ITSN2: variants seen among roughly 807,000 people sequenced by gnomAD.
ITSN2 encodes intersectin-2.
ITSN2 carries 156 observed loss-of-function variants against 243.7 expected under a neutral mutation model. The ratio of observed to expected loss-of-function variants is 0.64; its 90% CI spans 0.56 to 0.73. The LOEUF is 0.73. Among genes scored for constraint, ITSN2 ranks in the 30% least tolerant of loss-of-function variants. The probability of loss-of-function intolerance (pLI) is 0.00; values close to 1 mark genes in which losing one functional copy is unlikely to be tolerated. For missense variants in ITSN2, 1,801 were observed against 1,996.1 expected (o/e 0.90, Z 1.86); for synonymous variants, 703 against 699.9 (o/e 1.00, Z -0.07).
At chr2:24,312,868 G>C (rs1683423839) in intron 4 of ITSN2, among the ~76,000 whole-genome samples, 1 of 152,004 alleles carries the variant, frequency 6.6e-6, no homozygotes, top group African/African-American at 2.4e-5. Context: ...CTAATTTGGG[G>C]TTTATAGATT....
At chr2:24,220,827 A>G in intron 30 of ITSN2, 118 bp downstream of exon 30, 1 of 1,448,266 alleles carries the variant, frequency 6.9e-7, no homozygotes, top group South Asian at 1.6e-5. Context: ...GTGAATTCAC[A>G]CATCAAAAGT....
At chr2:24,203,862 T>C (rs1447574646) in intron 39 of ITSN2, 79 bp from the exon 40 acceptor site, 3 of 1,432,706 alleles carry the variant, frequency 2.1e-6, no homozygotes, top group Non-Finnish European at 2.9e-6. Context: ...AAGAAGTGGA[T>C]TCATAAAACC....
intron 31 of ITSN2, among the ~76,000 whole-genome samples, chr2:24,217,248 CAA>C (rs34890758): frequency 4.8e-4 from 71 of 146,822 alleles, no homozygotes; most frequent in Admixed American, 8.8e-4. Context: ...GACTCCATCT[CAA>C]AAAAAAAAAA....
In ITSN2 at chr2:24,328,467, C is replaced by CTT. The variant is rs956515489; in HGVS notation, c.-33-354_-33-353dup. Among the ~76,000 whole-genome samples, 4 of 144,554 alleles carry CTT rather than the reference C, an allele frequency of 2.8e-5. No individual in the cohort carries two copies. The East Asian group carries it at 8.0e-4, about 29-fold the overall frequency. 94.8% of individuals were successfully genotyped at this position (144,554 alleles called of 152,430 possible). Reference sequence around the variant, plus strand: ...TATAAGAATAACATGGAAATCCATACTTTTTTTTTTTTTTAAATAGAGTCT... The same window carrying CTT: ...TATAAGAATAACATGGAAATCCATACTTTTTTTTTTTTTTTTAAATAGAGTCT... On this transcript the variant is annotated intron_variant, in intron 1 of 39. Coordinates refer to ENST00000355123, the MANE Select transcript of ITSN2 (RefSeq NM_006277.3).
chr2:24,261,901 T>C (rs1675937130), intron 20 of ITSN2, among the ~76,000 whole-genome samples, 159 bp from the exon 21 acceptor site: 1 of 152,232 alleles, frequency 6.6e-6, no homozygotes, highest in African/African-American at 2.4e-5. Context: ...CTATTTCCAG[T>C]GACTGGCAAG....
At chr2:24,322,746 C>T (rs566792653) in intron 2 of ITSN2, among the ~76,000 whole-genome samples, 178 of 152,126 alleles carry the variant, frequency 1.2e-3, no homozygotes, top group African/African-American at 4.1e-3. Context: ...TCTAAAATTT[C>T]CACTCTCTTA....
At position 24,301,245 on chromosome 2, in the gene ITSN2, A is replaced by T; in HGVS notation, c.996-6T>A. 1 of 1,575,354 alleles carries T rather than the reference A, an allele frequency of 6.3e-7. No homozygotes were observed. Among genetic ancestry groups the T allele is most frequent in the Non-Finnish European group, 8.7e-7 (1 of 1,147,880 alleles). Reference sequence around the variant, plus strand: ...AATCAATTTGCTTTCCTCCTCTAAAAAAATCAAACAACAAAGTTAGCATCA... The same window carrying T: ...AATCAATTTGCTTTCCTCCTCTAAATAAATCAAACAACAAAGTTAGCATCA... On this transcript the variant is annotated splice_polypyrimidine_tract_variant and splice_region_variant and intron_variant, in intron 10 of 39. Coordinates refer to ENST00000355123, the MANE Select transcript of ITSN2 (RefSeq NM_006277.3).
At chr2:24,257,459 TTTTC>T (rs528248023) in intron 23 of ITSN2, among the ~76,000 whole-genome samples, 297 of 152,100 alleles carry the variant, frequency 2.0e-3, no homozygotes, top group African/African-American at 6.8e-3. Context: ...TACCTTTCTT[TTTTC>T]TTTTTTTTTT....
chr2:24,320,717 AAAC>A (rs1190292757), intron 2 of ITSN2, among the ~76,000 whole-genome samples: 5 of 131,938 alleles, frequency 3.8e-5, no homozygotes, highest in African/African-American at 1.2e-4. Context: ...AACAAAAAAC[AAAC>A]AACAACAACA....
At chr2:24,337,751 G>A (rs560085309) in intron 1 of ITSN2, among the ~76,000 whole-genome samples, 7 of 147,912 alleles carry the variant, frequency 4.7e-5, no homozygotes, top group South Asian at 2.2e-4. Context: ...TCAGCCTCTC[G>A]AATAGCTAGG....
chr2:24,301,966 T>C lies in ITSN2; in HGVS notation c.994A>G (p.Arg332Gly). ...LPPELVPPSFRGGKQIDSING... is the reference protein window; with the variant it reads ...LPPELVPPSFGGGKQIDSING... Reference sequence around the variant, plus strand: ...TTCTCCACCTCCAGGCACACTCACCTGAAAGATGGAGGAACAAGCTCAGGA... The same window carrying C: ...TTCTCCACCTCCAGGCACACTCACCCGAAAGATGGAGGAACAAGCTCAGGA... The change falls in exon 10 of 40, where the codon AGA becomes GGA. Residue 332 changes from arginine to glycine, a missense_variant and splice_region_variant. This residue lies in a region of ITSN2 where 787 missense variants were observed against 803.9 expected (regional missense o/e 0.98). Transcript: ENST00000355123. 2 of 1,608,044 alleles carry C rather than the reference T, an allele frequency of 1.2e-6. No homozygotes were observed. The highest frequency in any genetic ancestry group is 2.3e-5 in the East Asian group (1 of 44,412).
intron 2 of ITSN2, among the ~76,000 whole-genome samples, chr2:24,320,496 G>A (rs570367638): frequency 3.1e-5 from 4 of 129,008 alleles, no homozygotes; most frequent in South Asian, 2.6e-4. Flanking sequence ...TCCGCAGTCC[G>A]GCCTGGGCGA....
intron 1 of ITSN2, among the ~76,000 whole-genome samples, chr2:24,349,477 GAAGGTTTCACA>G (rs1292033246): frequency 6.6e-6 from 1 of 152,254 alleles, no homozygotes; most frequent in Non-Finnish European, 1.5e-5. Context: ...ACATAATTCT[GAAGGTTTCACA>G]CATCCAAAGC....
intron 1 of ITSN2, among the ~76,000 whole-genome samples, chr2:24,339,470 C>CA (rs56081206): frequency 0.017 from 1,322 of 79,386 alleles, 14 homozygotes; most frequent in East Asian, 0.06. Flanking sequence ...GACGCCGTCT[C>CA]AAAAAAAAAA....
At chr2:24,306,520 G>C (rs975002968) in intron 8 of ITSN2, among the ~76,000 whole-genome samples, 1 of 152,158 alleles carries the variant, frequency 6.6e-6, no homozygotes, top group Non-Finnish European at 1.5e-5. Flanking sequence ...TCATGTTGTT[G>C]CAGGTATCAG....
At chr2:24,330,362 C>T (rs1425920661) in intron 1 of ITSN2, 11 of 527,420 alleles carry the variant, frequency 2.1e-5, no homozygotes, top group Non-Finnish European at 3.6e-5. Flanking sequence ...CCACTGCATC[C>T]TGTGCCAAGT....
At chr2:24,356,606 G>A (rs184188273) in intron 1 of ITSN2, among the ~76,000 whole-genome samples, 1 of 152,190 alleles carries the variant, frequency 6.6e-6, no homozygotes, top group Admixed American at 6.5e-5. Flanking sequence ...GATCATCAGA[G>A]AACTGCAAAT....
At position 24,312,304 on chromosome 2, in the gene ITSN2, T is replaced by C. The variant is rs759645866; in HGVS notation, c.260A>G (p.Lys87Arg). Residue 87 changes from lysine to arginine, a missense_variant, in exon 5 of 40, where the codon AAA becomes AGA. Physicochemically the swap from Lys to Arg is conservative, Grantham distance 26. Around this residue, in one of 5 missense-constraint regions of ITSN2, gnomAD observed 787 missense variants for 803.9 expected, o/e 0.98. Coordinates refer to ENST00000355123, the MANE Select transcript of ITSN2 (RefSeq NM_006277.3). The part of the protein sequence containing the change: ...QEFSIAMKLI[K>R]LKLQGQQLPV... ...CAACTGTTGGCCTTGAAGCTTCAGT[T>C]TGATGAGTTTCATAGCTATGGAGAA... The C allele has an allele frequency of 2.5e-6, 4 of 1,613,682 alleles. No individual in the cohort carries two copies. The highest frequency in any genetic ancestry group is 2.2e-5 in the East Asian group (1 of 44,866).
At chr2:24,361,194 C>G (rs995205749), upstream of ITSN2, among the ~76,000 whole-genome samples, 1 of 152,166 alleles carries the variant, frequency 6.6e-6, no homozygotes, top group Non-Finnish European at 1.5e-5. Context: ...GACTCTGTCC[C>G]CATAGAGCAT....
Sources: gnomAD v4.1 joint callset for allele counts (sites outside exome capture counted in the v4.1 genomes callset) on GRCh38, gnomAD v4.1.1 for gene constraint, gnomAD v4.1.1 regional missense constraint, MANE v1.5 for transcripts, NCBI Gene and HGNC (gene_info 2026-07-23, HGNC 2026-07-21) for gene names.